SPAG16: variants seen among roughly 807,000 people sequenced by gnomAD.
SPAG16 encodes sperm associated antigen 16.
Under a neutral mutation model 80.4 loss-of-function variants are expected in SPAG16, and 86 were observed. The observed-to-expected ratio is 1.07, with a 90% CI of 0.90 to 1.28. SPAG16 has a LOEUF of 1.28. SPAG16 is among the 50% of genes most tolerant of loss of function. The probability of loss-of-function intolerance (pLI) is 0.00; values close to 1 mark genes in which losing one functional copy is unlikely to be tolerated. For synonymous variants in SPAG16, 294 were observed against 265.9 expected, an observed-to-expected ratio of 1.11 and a Z score of -1.03; for missense variants, 870 against 765.3, an observed-to-expected ratio of 1.14 and a Z score of -1.61.
intron 9 of SPAG16, among the ~76,000 whole-genome samples, chr2:213,481,024 C>T (rs892050960): frequency 1.4e-4 from 21 of 152,070 alleles, no homozygotes; most frequent in Admixed American, 5.9e-4. Context: ...TTTGGAAGCC[C>T]GCCAACTAAA....
At chr2:214,069,729 A>G (rs1388473419) in intron 13 of SPAG16, among the ~76,000 whole-genome samples, 1 of 152,018 alleles carries the variant, frequency 6.6e-6, no homozygotes, top group Non-Finnish European at 1.5e-5. Context: ...TTAAGCCCTC[A>G]GTATTTTAGA....
At chr2:214,095,310 C>T (rs555206707) in intron 13 of SPAG16, among the ~76,000 whole-genome samples, 4 of 152,126 alleles carry the variant, frequency 2.6e-5, no homozygotes, top group African/African-American at 9.6e-5. Flanking sequence ...CACAGAAACC[C>T]CCCCAGAAAC....
intron 10 of SPAG16, among the ~76,000 whole-genome samples, chr2:213,722,461 C>G (rs2066571918): frequency 1.3e-5 from 2 of 152,102 alleles, no homozygotes; most frequent in Middle Eastern, 3.4e-3. Context: ...AATTTTAGGC[C>G]TAGCTATATA....
chr2:213,313,127 A>G (rs1398421063), intron 4 of SPAG16, among the ~76,000 whole-genome samples: 1 of 151,872 alleles, frequency 6.6e-6, no homozygotes, highest in Non-Finnish European at 1.5e-5. Context: ...ACAGGAATGT[A>G]GTGACTCTTC....
At chr2:213,885,804 A>T (rs1208528981) in intron 11 of SPAG16, among the ~76,000 whole-genome samples, 1 of 152,198 alleles carries the variant, frequency 6.6e-6, no homozygotes, top group Non-Finnish European at 1.5e-5. Context: ...ATCCATAGTT[A>T]CACATACCTG....
chr2:214,012,003 A>G (rs1431280179), intron 12 of SPAG16, among the ~76,000 whole-genome samples: 1 of 151,876 alleles, frequency 6.6e-6, no homozygotes, highest in East Asian at 1.9e-4. Context: ...AGGATCACCG[A>G]GTGCATCAGG....
At chr2:213,553,410 G>A (rs1322339719) in intron 10 of SPAG16, among the ~76,000 whole-genome samples, 2 of 152,242 alleles carry the variant, frequency 1.3e-5, no homozygotes, top group African/African-American at 4.8e-5. Flanking sequence ...TATCAGCATG[G>A]TTCATTGACA....
chr2:214,324,085 A>G (rs16851773), intron 15 of SPAG16, among the ~76,000 whole-genome samples: 73,220 of 152,126 alleles, frequency 0.48, 21,816 homozygotes, highest in South Asian at 0.66. Context: ...ATCAGAAACA[A>G]TGGGCTTGAT....
intron 10 of SPAG16, among the ~76,000 whole-genome samples, chr2:213,809,698 GT>G: frequency 6.6e-6 from 1 of 152,048 alleles, no homozygotes; most frequent in Non-Finnish European, 1.5e-5. Context: ...CTAAGAAAAA[GT>G]GAAAAGATTG....
intron 11 of SPAG16, among the ~76,000 whole-genome samples, chr2:213,903,316 T>C (rs2077297097): frequency 1.3e-5 from 2 of 152,218 alleles, no homozygotes; most frequent in Non-Finnish European, 1.5e-5. Context: ...AACTTCTGCC[T>C]GGACATCCAG....
intron 14 of SPAG16, among the ~76,000 whole-genome samples, chr2:214,125,920 T>C (rs1046311516): frequency 6.6e-6 from 1 of 151,508 alleles, no homozygotes; most frequent in African/African-American, 2.4e-5. Context: ...AGAAATGTGA[T>C]TGGGCAAAAG....
At chr2:214,228,475 G>A (rs1688439568) in intron 15 of SPAG16, among the ~76,000 whole-genome samples, 1 of 151,824 alleles carries the variant, frequency 6.6e-6, no homozygotes, top group Non-Finnish European at 1.5e-5. Context: ...AGTTAGGAGA[G>A]GGAATAGCCA....
chr2:213,678,351 A>G (rs1251307928), intron 10 of SPAG16, among the ~76,000 whole-genome samples: 1 of 152,210 alleles, frequency 6.6e-6, no homozygotes, highest in Non-Finnish European at 1.5e-5. Context: ...GAAAGGATCA[A>G]CAAAATAGAT....
intron 10 of SPAG16, among the ~76,000 whole-genome samples, chr2:213,664,651 G>A (rs772462057): frequency 1.3e-5 from 2 of 151,882 alleles, no homozygotes; most frequent in Non-Finnish European, 2.9e-5. Flanking sequence ...GTGCCTAGTC[G>A]TGGATCTTTT....
At chr2:213,377,366 G>T (rs900581893) in intron 9 of SPAG16, among the ~76,000 whole-genome samples, 5 of 152,186 alleles carry the variant, frequency 3.3e-5, no homozygotes, top group African/African-American at 1.2e-4. Context: ...TCTTAAAGCT[G>T]CTCAGTGGAG....
chr2:214,370,008 T>C lies in SPAG16; in HGVS notation c.1721-40132T>C, dbSNP rs549800042. ...CTCTTTTTTCAAAGGTCAAAAATGA[T>C]CTGGTCATTGGCAAATGCTGACCCT... On this transcript the variant is annotated intron_variant, in intron 15 of 15. Transcript: ENST00000331683. Among the ~76,000 whole-genome samples the C allele has an allele frequency of 4.6e-5, 7 of 152,274 alleles. No homozygotes were observed. In the South Asian group the frequency reaches 1.5e-3, roughly 32 times the overall value.
At chr2:213,399,189 A>G (rs768681511) in intron 9 of SPAG16, among the ~76,000 whole-genome samples, 4 of 152,082 alleles carry the variant, frequency 2.6e-5, no homozygotes, top group African/African-American at 4.8e-5. Context: ...AGTGGTGGTT[A>G]TACTATTTGT....
intron 9 of SPAG16, among the ~76,000 whole-genome samples, chr2:213,385,704 C>G (rs2067392814): frequency 1.3e-5 from 2 of 151,924 alleles, no homozygotes; most frequent in Admixed American, 1.3e-4. Context: ...AAGGGAGAAG[C>G]AGGCCATTTT....
chr2:213,520,253 T>C (rs1318295062), intron 10 of SPAG16, among the ~76,000 whole-genome samples: 1 of 152,104 alleles, frequency 6.6e-6, no homozygotes, highest in African/African-American at 2.4e-5. Flanking sequence ...TATGCTGTGC[T>C]CGTACCTTGA....
Sources: gnomAD v4.1 joint callset for allele counts (sites outside exome capture counted in the v4.1 genomes callset) on GRCh38, gnomAD v4.1.1 for gene constraint, MANE v1.5 for transcripts, NCBI Gene and HGNC (gene_info 2026-07-23, HGNC 2026-07-21) for gene names.